The following IL20RA variants were observed in gnomAD, a reference collection of about 807,000 sequenced individuals.
IL20RA encodes interleukin 20 receptor subunit alpha.
IL20RA carries 29 observed loss-of-function variants against 36.5 expected under a neutral mutation model. The observed-to-expected ratio is 0.79, with a 90% CI of 0.59 to 1.08. The LOEUF (loss-of-function observed/expected upper bound fraction) is 1.08. Among genes scored for constraint, IL20RA ranks in the 50% least tolerant of loss-of-function variants. IL20RA has a pLI of 0.00. For synonymous variants in IL20RA, 279 were observed against 267.1 expected, an observed-to-expected ratio of 1.04 and a Z score of -0.43; for missense variants, 652 against 668.4, an observed-to-expected ratio of 0.98 and a Z score of 0.27.
At chr6:137,011,541 T>C in intron 2 of IL20RA, 89 bp from the exon 3 acceptor site, 1 of 828,252 alleles carries the variant, frequency 1.2e-6, no homozygotes, top group East Asian at 2.8e-5. Flanking sequence ...TGAATGGAAC[T>C]GACGACCTTC....
chr6:137,002,748 T>C (rs562113053), intron 6 of IL20RA, among the ~76,000 whole-genome samples: 2 of 152,252 alleles, frequency 1.3e-5, no homozygotes, highest in Non-Finnish European at 2.9e-5. Context: ...CACTGTTTTA[T>C]TTATAGTTTG....
At position 137,009,330 on chromosome 6, in the gene IL20RA, T is replaced by G; in HGVS notation, c.566A>C (p.Lys189Thr). Residue 189 changes from lysine (K) to threonine (T), a missense_variant, in exon 4 of 7, where the codon AAA becomes ACA. Physicochemically the swap from Lys to Thr is moderately conservative, Grantham distance 78. Transcript: ENST00000316649. ...LKYNVSVLNT[K>T]SNRTWSQCVT... ...TTTCAGGCTTACCGTTCTGTTTGAT[T>G]TAGTATTCAACACAGACACGTTATA... 5 of 1,613,146 alleles carry G rather than the reference T, an allele frequency of 3.1e-6. No homozygotes were observed. The highest frequency in any genetic ancestry group is 4.2e-6 in the Non-Finnish European group (5 of 1,179,130).
rs1215848770 is a variant in IL20RA at position 137,044,883 on chromosome 6, C to T, written c.-155G>A. 4 of 639,182 alleles carry T rather than the reference C, an allele frequency of 6.3e-6. No homozygotes were observed. In the South Asian group the frequency reaches 2.4e-4, roughly 39 times the overall value. The allele number at this position is 639,182 out of a possible 1,614,324, so 39.6% of individuals were successfully genotyped here. A position where few individuals can be genotyped will look rare whatever the true frequency, so the allele number is the denominator to read the frequency against. On this transcript the variant is annotated 5_prime_UTR_variant, in exon 1 of 7. Transcript: ENST00000316649. ...AGTCCCAGGGCGCCTCCGCCACAGC[C>T]GCGTCCCCCAGGCTTCCCCAGAAAC... is the stretch of plus-strand genomic sequence containing the variant.
rs748415065 is a variant in IL20RA, at chr6:137,014,612, TGA to T, written c.224+2354_224+2355del. ...TAAGAAAATGGTTTGTGAAAAATATTGAGAGGTTAATTATTAAAATAATAAAA... is the reference window on the plus strand; with the variant it reads ...TAAGAAAATGGTTTGTGAAAAATATTGAGGTTAATTATTAAAATAATAAAA... On this transcript the variant is annotated intron_variant, in intron 2 of 6. Coordinates refer to ENST00000316649, the MANE Select transcript of IL20RA (RefSeq NM_014432.4). Among the ~76,000 whole-genome samples the T allele has an allele frequency of 1.8e-4, 28 of 152,246 alleles. 1 individual carries two copies. The highest frequency in any genetic ancestry group is 7.7e-4 in the East Asian group (4 of 5,180).
In IL20RA at chr6:137,002,355, T is replaced by C; in HGVS notation, c.865A>G (p.Ile289Val). The change falls in exon 7 of 7, where the codon ATT (isoleucine) becomes GTT (valine). Residue 289 changes from isoleucine to valine, a missense_variant and splice_region_variant. Physicochemically the swap from Ile to Val is conservative, Grantham distance 29. Transcript: ENST00000316649. ...VGKEKHPANL[I>V]LIYGNEFDKR... ...TCAAATTCATTTCCATAAATCAAAATCTATAAAGAGAAAAGAGAATGATTT... is the reference window on the plus strand; with the variant it reads ...TCAAATTCATTTCCATAAATCAAAACCTATAAAGAGAAAAGAGAATGATTT... 1.3e-6 allele frequency: 2 copies of C among 1,569,272 alleles called. No individual in the cohort carries two copies. Among genetic ancestry groups the C allele is most frequent in the Non-Finnish European group, 1.7e-6 (2 of 1,154,512 alleles).
At chr6:137,003,379 A>G (rs536860494) in intron 6 of IL20RA, among the ~76,000 whole-genome samples, 1 of 152,372 alleles carries the variant, frequency 6.6e-6, no homozygotes, top group East Asian at 1.9e-4. Flanking sequence ...AGAACCCTTC[A>G]GCACATTGTC....
At chr6:137,027,294 T>G (rs1776126503) in intron 1 of IL20RA, among the ~76,000 whole-genome samples, 1 of 152,340 alleles carries the variant, frequency 6.6e-6, no homozygotes, top group South Asian at 2.1e-4. Flanking sequence ...GGTGCTAGCA[T>G]TAGTTCCGTT....
At chr6:137,036,184 T>C (rs561544660) in intron 1 of IL20RA, among the ~76,000 whole-genome samples, 64 of 152,208 alleles carry the variant, frequency 4.2e-4, no homozygotes, top group Non-Finnish European at 3.7e-4. Flanking sequence ...TTTTCCTTCA[T>C]TGGACACAGA....
chr6:137,011,600 T>C (rs1043454420), intron 2 of IL20RA, 148 bp from the exon 3 acceptor site: 3 of 525,532 alleles, frequency 5.7e-6, no homozygotes, highest in Non-Finnish European at 9.5e-6. Flanking sequence ...AAGAATCCAC[T>C]TTTGCGGTGG....
chr6:137,030,623 T>C (rs1459789806), intron 1 of IL20RA, among the ~76,000 whole-genome samples: 2 of 152,146 alleles, frequency 1.3e-5, no homozygotes, highest in Non-Finnish European at 2.9e-5. Context: ...ACATTGTCCT[T>C]AGGAAGGTTA....
chr6:137,008,600 T>G lies in IL20RA; in HGVS notation c.723A>C (p.Lys241Asn). The G allele has an allele frequency of 6.3e-7, 1 of 1,587,296 alleles. No individual in the cohort carries two copies. Among genetic ancestry groups the G allele is most frequent in the Non-Finnish European group, 8.6e-7 (1 of 1,168,098 alleles). Residue 241 changes from lysine (K) to asparagine (N), a missense_variant and splice_region_variant, in exon 5 of 7, where the codon AAA becomes AAC. By Grantham distance (94) the Lys-to-Asn change is moderately conservative (BLOSUM62 0). Coordinates refer to ENST00000316649, the MANE Select transcript of IL20RA (RefSeq NM_014432.4). ...PSEKQCARTLKDQSSEFKAKI... is the reference protein window; with the variant it reads ...PSEKQCARTLNDQSSEFKAKI... ...CAGCAAAGATTTTTTAAAGCTTACC[T>G]TTCAAAGTCCTGGCACACTGCTTCT...
intron 1 of IL20RA, among the ~76,000 whole-genome samples, chr6:137,028,358 G>A (rs568385593): frequency 6.7e-6 from 1 of 149,868 alleles, no homozygotes; most frequent in Admixed American, 6.7e-5. Flanking sequence ...ACAGGTTGCA[G>A]TGAGCTGAGA....
At chr6:137,033,253 C>A (rs1442454182) in intron 1 of IL20RA, among the ~76,000 whole-genome samples, 1 of 152,186 alleles carries the variant, frequency 6.6e-6, no homozygotes, top group East Asian at 1.9e-4. Context: ...CTCACCTTGG[C>A]CTTCATGTGG....
intron 5 of IL20RA, among the ~76,000 whole-genome samples, chr6:137,005,627 A>G (rs1312734717): frequency 6.6e-6 from 1 of 152,098 alleles, no homozygotes; most frequent in Non-Finnish European, 1.5e-5. Flanking sequence ...ACATTATTCT[A>G]GAGCCTTCTG....
At chr6:137,021,502 C>CGA (rs1775902614) in intron 1 of IL20RA, among the ~76,000 whole-genome samples, 1 of 140,144 alleles carries the variant, frequency 7.1e-6, no homozygotes, top group Admixed American at 7.0e-5. Flanking sequence ...CTGTTTCTAG[C>CGA]AAAAAAAAAA....
chr6:137,004,192 G>C (rs1342476099), intron 6 of IL20RA, among the ~76,000 whole-genome samples: 1 of 62,828 alleles, frequency 1.6e-5, no homozygotes, highest in Non-Finnish European at 3.0e-5. Flanking sequence ...TTTTGAGACA[G>C]AGCCTCAGAG....
rs529019268 is a variant in IL20RA at position 137,004,043 on chromosome 6, G to A, written c.864+578C>T. The stretch of plus-strand genomic sequence containing the variant: ...TCGACTAGGCTTGAACTTCTAGAAG[G>A]GCAGGGCAGGGATCATGATTGAATT... On this transcript the variant is annotated intron_variant, in intron 6 of 6. Coordinates refer to ENST00000316649, the MANE Select transcript of IL20RA (RefSeq NM_014432.4). Among the ~76,000 whole-genome samples, 11 of 152,170 alleles carry A rather than the reference G, an allele frequency of 7.2e-5. No homozygotes were observed. In the East Asian group the frequency reaches 1.9e-3, roughly 27 times the overall value.
chr6:137,033,773 G>A (rs1401870613), intron 1 of IL20RA, among the ~76,000 whole-genome samples: 2 of 152,176 alleles, frequency 1.3e-5, no homozygotes, highest in Non-Finnish European at 2.9e-5. Flanking sequence ...TTTCTTTGTA[G>A]CAAGGCGAGA....
At chr6:137,006,678 G>A (rs1042960661) in intron 5 of IL20RA, among the ~76,000 whole-genome samples, 6 of 152,020 alleles carry the variant, frequency 3.9e-5, no homozygotes, top group Non-Finnish European at 5.9e-5. Flanking sequence ...GGGATAGCAC[G>A]GGTTCAGAAC....
Sources: allele counts gnomAD v4.1 joint callset (sites outside exome capture counted in the v4.1 genomes callset), GRCh38; gene constraint gnomAD v4.1.1; transcripts MANE v1.5; gene names NCBI Gene and HGNC (gene_info 2026-07-23, HGNC 2026-07-21).